PTPRE: variants seen among roughly 807,000 people sequenced by gnomAD.
The protein encoded by PTPRE is protein tyrosine phosphatase receptor type E, also known as receptor-type tyrosine-protein phosphatase epsilon.
PTPRE carries 51 observed loss-of-function variants against 102.0 expected under a neutral mutation model. That is an observed-to-expected ratio of 0.50 (90% CI 0.40 to 0.63). The LOEUF (loss-of-function observed/expected upper bound fraction) is 0.63. Among genes scored for constraint, PTPRE ranks in the 30% least tolerant of loss-of-function variants. The pLI is 0.00. For missense variants in PTPRE, 752 were observed against 915.1 expected (o/e 0.82, Z 2.30); for synonymous variants, 345 against 348.2 (o/e 0.99, Z 0.10).
chr10:127,997,662 G>A (rs1853410753), intron 2 of PTPRE, among the ~76,000 whole-genome samples: 1 of 152,058 alleles, frequency 6.6e-6, no homozygotes, highest in Non-Finnish European at 1.5e-5. Flanking sequence ...TATACAAATA[G>A]GAGAACAAAG....
chr10:127,983,602 G>A (rs1214882325), intron 2 of PTPRE, among the ~76,000 whole-genome samples: 1 of 152,128 alleles, frequency 6.6e-6, no homozygotes, highest in Non-Finnish European at 1.5e-5. Flanking sequence ...GTGCTTTATC[G>A]AATGCAAATG....
At chr10:127,943,260 T>C (rs992277724) in intron 1 of PTPRE, among the ~76,000 whole-genome samples, 1 of 152,178 alleles carries the variant, frequency 6.6e-6, no homozygotes, top group African/African-American at 2.4e-5. Context: ...TCTCTAAAAA[T>C]CTGGATTGTT....
intron 20 of PTPRE, among the ~76,000 whole-genome samples, chr10:128,081,438 C>T (rs1851702705): frequency 6.6e-6 from 1 of 152,216 alleles, no homozygotes; most frequent in Non-Finnish European, 1.5e-5. Flanking sequence ...TACACTTCAT[C>T]CATCACTGGC....
chr10:128,049,680 G>A lies in PTPRE; in HGVS notation c.420+14G>A, dbSNP rs1253620458. The A allele has an allele frequency of 6.2e-7, 1 of 1,613,598 alleles. No individual in the cohort carries two copies. Among genetic ancestry groups the A allele is most frequent in the Admixed American group, 1.7e-5 (1 of 60,002 alleles). On this transcript the variant is annotated intron_variant, in intron 6 of 20. Coordinates refer to ENST00000254667, the MANE Select transcript of PTPRE (RefSeq NM_006504.6). The stretch of plus-strand genomic sequence containing the variant: ...GAGGAGTTCAACGTGAGTGTGGGGA[G>A]GGCTCTCTGCTGGGTGCCCTGTGGT...
At chr10:128,081,466 G>A (rs1036633583) in intron 20 of PTPRE, among the ~76,000 whole-genome samples, 11 of 152,202 alleles carry the variant, frequency 7.2e-5, no homozygotes, top group Non-Finnish European at 1.3e-4. Flanking sequence ...ACTTGTACTC[G>A]AGACTACGTG....
intron 2 of PTPRE, among the ~76,000 whole-genome samples, chr10:128,033,825 A>C (rs1181206982): frequency 2.6e-5 from 4 of 152,160 alleles, no homozygotes; most frequent in African/African-American, 9.7e-5. Flanking sequence ...TTGTATTTTT[A>C]GTAGAGGCGG....
At position 128,039,640 on chromosome 10, in the gene PTPRE, A is replaced by G. The variant is rs577182369; in HGVS notation, c.-7-1235A>G. The stretch of plus-strand genomic sequence containing the variant: ...TCAGATGTCTTCTCTAATTACAAGC[A>G]TTAGTGTTTAACATGTGAGCAGCCG... On this transcript the variant is annotated intron_variant, in intron 2 of 20. Transcript: ENST00000254667. Among the ~76,000 whole-genome samples the G allele has an allele frequency of 4.9e-4, 74 of 152,308 alleles. 1 individual carries two copies. Among genetic ancestry groups the G allele is most frequent in the Non-Finnish European group, 8.8e-4 (60 of 68,036 alleles).
chr10:128,056,574 TGGG>T (rs1277122985), intron 7 of PTPRE, among the ~76,000 whole-genome samples: 2 of 152,208 alleles, frequency 1.3e-5, no homozygotes, highest in African/African-American at 4.8e-5. Context: ...CCAGTGGCCC[TGGG>T]CAGCTCCCTT....
At chr10:128,056,919 G>A (rs1233943980) in intron 7 of PTPRE, among the ~76,000 whole-genome samples, 2 of 152,152 alleles carry the variant, frequency 1.3e-5, no homozygotes, top group African/African-American at 2.4e-5. Context: ...AACCGCCTTT[G>A]TAAGAGCTGG....
At chr10:128,038,822 A>G (rs1453756401) in intron 2 of PTPRE, among the ~76,000 whole-genome samples, 1 of 152,198 alleles carries the variant, frequency 6.6e-6, no homozygotes, top group Middle Eastern at 3.2e-3. Context: ...ATATACATAT[A>G]AAAAATGGGG....
At chr10:128,055,254 C>T (rs1054467662) in intron 6 of PTPRE, among the ~76,000 whole-genome samples, 3 of 152,190 alleles carry the variant, frequency 2.0e-5, no homozygotes, top group African/African-American at 7.2e-5. Flanking sequence ...GGGGAGCTCA[C>T]CTGAGCAGCG....
intron 1 of PTPRE, among the ~76,000 whole-genome samples, chr10:127,914,553 T>C (rs1216155943): frequency 2.0e-5 from 3 of 152,230 alleles, no homozygotes; most frequent in African/African-American, 7.2e-5. Context: ...CAGCCTCCTC[T>C]GGGGAAGACA....
chr10:128,015,019 T>C (rs554917235), intron 2 of PTPRE, among the ~76,000 whole-genome samples: 1 of 152,314 alleles, frequency 6.6e-6, no homozygotes, highest in East Asian at 1.9e-4. Context: ...GACTTTCATG[T>C]GGACTCCTCT....
intron 2 of PTPRE, among the ~76,000 whole-genome samples, chr10:128,009,183 G>C (rs556347883): frequency 7.5e-4 from 115 of 152,320 alleles, no homozygotes; most frequent in Non-Finnish European, 1.3e-3. Flanking sequence ...ATATCTTTGG[G>C]ACTGAAAATT....
At chr10:128,027,367 T>A (rs1340194901) in intron 2 of PTPRE, among the ~76,000 whole-genome samples, 1 of 152,140 alleles carries the variant, frequency 6.6e-6, no homozygotes, top group Non-Finnish European at 1.5e-5. Flanking sequence ...GGTGGAGGGA[T>A]GCCTAGCACC....
At chr10:128,077,556 T>C in intron 18 of PTPRE, 61 bp from the exon 19 acceptor site, 2 of 1,538,454 alleles carry the variant, frequency 1.3e-6, no homozygotes, top group Non-Finnish European at 1.8e-6. Flanking sequence ...AGAGGGCAGA[T>C]GGGGCTGGGG....
intron 1 of PTPRE, among the ~76,000 whole-genome samples, chr10:127,956,114 T>C (rs541336673): frequency 6.6e-6 from 1 of 152,334 alleles, no homozygotes; most frequent in South Asian, 2.1e-4. Context: ...TACCTTATTA[T>C]TATCTTATCT....
chr10:127,989,441 A>G (rs1300224655), intron 2 of PTPRE, among the ~76,000 whole-genome samples: 1 of 152,208 alleles, frequency 6.6e-6, no homozygotes, highest in Non-Finnish European at 1.5e-5. Context: ...TGGGCCCCCT[A>G]AACATGCAGA....
chr10:128,037,324 G>T (rs1490388637), intron 2 of PTPRE, among the ~76,000 whole-genome samples: 1 of 152,134 alleles, frequency 6.6e-6, no homozygotes, highest in African/African-American at 2.4e-5. Context: ...CGTCTCCCTC[G>T]CCTTCCGTCC....
Sources: gnomAD v4.1 joint callset for allele counts (sites outside exome capture counted in the v4.1 genomes callset) on GRCh38, gnomAD v4.1.1 for gene constraint, MANE v1.5 for transcripts, NCBI Gene and HGNC (gene_info 2026-07-23, HGNC 2026-07-21) for gene names.